Variants in PALD1 observed in about 807,000 individuals in gnomAD.
The protein encoded by PALD1 is paladin.
A neutral mutation model predicts 96.0 loss-of-function variants in PALD1; 57 were observed. The observed-to-expected ratio is 0.59, with a 90% CI of 0.48 to 0.74. The LOEUF (loss-of-function observed/expected upper bound fraction) is 0.74, where lower values mean the gene tolerates loss of function less well. Ranked by LOEUF, PALD1 falls within the 30% of genes least tolerant of loss-of-function variation. The probability of loss-of-function intolerance (pLI) is 0.00; values close to 1 mark genes in which losing one functional copy is unlikely to be tolerated. For synonymous variants in PALD1, 464 were observed against 473.6 expected (o/e 0.98, Z 0.26); for missense variants, 1,063 against 1,143.7 (o/e 0.93, Z 1.02).
At chr10:70,563,001 G>A (rs1847772762) in intron 18 of PALD1, among the ~76,000 whole-genome samples, 1 of 152,140 alleles carries the variant, frequency 6.6e-6, no homozygotes. Context: ...AACCCTCAGT[G>A]GCTCCCCAGT....
chr10:70,516,064 G>A (rs373067713), intron 1 of PALD1, among the ~76,000 whole-genome samples: 2 of 152,218 alleles, frequency 1.3e-5, no homozygotes, highest in Admixed American at 1.3e-4. Flanking sequence ...TGTCCTCAGG[G>A]TCACAGAGGA....
chr10:70,473,234 G>A, the PALD1 span, among the ~76,000 whole-genome samples: 1 of 152,136 alleles, frequency 6.6e-6, no homozygotes, highest in East Asian at 1.9e-4. Context: ...GCCCCACCCC[G>A]ACTCTGCAGG....
At chr10:70,524,274 C>T (rs574573231) in intron 1 of PALD1, among the ~76,000 whole-genome samples, 1 of 152,286 alleles carries the variant, frequency 6.6e-6, no homozygotes, top group Admixed American at 6.5e-5. Flanking sequence ...CCTGGACCAT[C>T]AGTATGTGGG....
At chr10:70,507,077 TTCTATTAAAAAAATTA>T (rs1440990040) in intron 1 of PALD1, among the ~76,000 whole-genome samples, 1 of 152,016 alleles carries the variant, frequency 6.6e-6, no homozygotes, top group African/African-American at 2.4e-5. Context: ...AAAATTATCT[TTCTATTAAAAAAATTA>T]TCTTTCTATT....
intron 1 of PALD1, 73 bp from the exon 2 acceptor site, chr10:70,525,850 C>T (rs926982078): frequency 1.0e-5 from 12 of 1,186,302 alleles, no homozygotes; most frequent in Middle Eastern, 2.8e-4. Context: ...TGGTGGAGGG[C>T]GAGAGGTGGG....
intron 1 of PALD1, among the ~76,000 whole-genome samples, chr10:70,509,041 C>G (rs1057171359): frequency 6.6e-6 from 1 of 152,204 alleles, no homozygotes; most frequent in Non-Finnish European, 1.5e-5. Flanking sequence ...GCTGGCCACT[C>G]GGCCCTCTGC....
chr10:70,462,717 C>T, the PALD1 span, among the ~76,000 whole-genome samples: 2 of 152,240 alleles, frequency 1.3e-5, no homozygotes, highest in Non-Finnish European at 2.9e-5. Context: ...GCCTCCTGTG[C>T]CCAGTGCCAT....
chr10:70,546,051 A>C (rs1002214230), intron 17 of PALD1, among the ~76,000 whole-genome samples: 17 of 146,228 alleles, frequency 1.2e-4, no homozygotes, highest in African/African-American at 3.7e-4. Flanking sequence ...AGCCTGGCCA[A>C]CATGGTGAAA....
At chr10:70,561,049 G>T (rs889584094) in intron 18 of PALD1, among the ~76,000 whole-genome samples, 2 of 152,166 alleles carry the variant, frequency 1.3e-5, no homozygotes, top group African/African-American at 2.4e-5. Context: ...TGGGGGCGGG[G>T]GTCAGGCGTC....
chr10:70,531,422 G>C lies in PALD1; in HGVS notation c.601G>C (p.Val201Leu). ...NLQGLGPGVR[V>L]ESLELAIRKE... ...CCAGGGCCTTGGACCCGGGGTCCGGGTGGAGAGCCTGGAGCTGGCCATCCG... is the reference window on the plus strand; with the variant it reads ...CCAGGGCCTTGGACCCGGGGTCCGGCTGGAGAGCCTGGAGCTGGCCATCCG... Residue 201 changes from valine (V) to leucine (L), a missense_variant, in exon 5 of 20, where the codon GTG becomes CTG. Coordinates refer to ENST00000263563, the MANE Select transcript of PALD1 (RefSeq NM_014431.3). 3 of 1,614,062 alleles carry C rather than the reference G, an allele frequency of 1.9e-6. No individual in the cohort carries two copies. The highest frequency in any genetic ancestry group is 2.5e-6 in the Non-Finnish European group (3 of 1,179,962).
chr10:70,558,486 T>C (rs888455362), intron 18 of PALD1, among the ~76,000 whole-genome samples: 10 of 152,142 alleles, frequency 6.6e-5, no homozygotes, highest in African/African-American at 2.4e-4. Flanking sequence ...GTGCTGGAGA[T>C]GCCATACAAA....
chr10:70,505,829 T>A (rs1262217464), intron 1 of PALD1, among the ~76,000 whole-genome samples: 1 of 151,514 alleles, frequency 6.6e-6, no homozygotes, highest in African/African-American at 2.4e-5. Context: ...GAGACCATCC[T>A]GGACAACATG....
At position 70,479,192 on chromosome 10, in the gene PALD1, C is replaced by G. The variant is rs1159564998; in HGVS notation, c.-30+133C>G. On this transcript the variant is annotated intron_variant, in intron 1 of 19. Coordinates refer to ENST00000263563, the MANE Select transcript of PALD1 (RefSeq NM_014431.3). ...AGAGGTGAGGTCCTGGGCCTTCACCCCACACCCGCTCAGGATTGGTCCCTG... is the reference window on the plus strand; with the variant it reads ...AGAGGTGAGGTCCTGGGCCTTCACCGCACACCCGCTCAGGATTGGTCCCTG... 8 of 152,478 alleles carry G rather than the reference C, an allele frequency of 5.2e-5. 1 individual carries two copies. The South Asian group carries it at 1.2e-3, about 24-fold the overall frequency. 9.4% of individuals were successfully genotyped at this position (152,478 alleles called of 1,614,324 possible). A position where few individuals can be genotyped will look rare whatever the true frequency, so the allele number is the denominator to read the frequency against.
At position 70,558,516 on chromosome 10, in the gene PALD1, C is replaced by G. The variant is rs114767713; in HGVS notation, c.2263-5848C>G. 5.7e-3 allele frequency among the ~76,000 whole-genome samples: 872 copies of G among 152,262 alleles called. 10 individuals carry two copies. Among genetic ancestry groups the G allele is most frequent in the African/African-American group, 0.019 (780 of 41,544 alleles). On this transcript the variant is annotated intron_variant, in intron 18 of 19. Transcript: ENST00000263563. ...TACAAAGGGCAAAAGCTCCCGTCCT[C>G]ATGGAGTCTGCACTCTAGTGACGGA...
At chr10:70,464,813 A>G in the PALD1 span, among the ~76,000 whole-genome samples, 1 of 150,474 alleles carries the variant, frequency 6.6e-6, no homozygotes, top group South Asian at 2.1e-4. Flanking sequence ...ATTTTAGTAG[A>G]GATGGGGTTT....
At chr10:70,526,269 C>A in intron 2 of PALD1, 133 bp downstream of exon 2, 1 of 695,474 alleles carries the variant, frequency 1.4e-6, no homozygotes, top group Non-Finnish European at 2.5e-6. Context: ...GACACTGAGG[C>A]CCAGGGAGAT....
At position 70,534,014 on chromosome 10, in the gene PALD1, G is replaced by A. The variant is rs767122052; in HGVS notation, c.963G>A (p.Leu321=). 1.2e-6 allele frequency: 2 copies of A among 1,613,168 alleles called. No homozygotes were observed. The highest frequency in any genetic ancestry group is 1.7e-5 in the Admixed American group (1 of 59,948). ...AGATGGGCGTGGGCAGGACCAACCT[G>A]GGCATGGTCCTGGGCACCCTCATCC... The part of the protein sequence containing the change: ...SCQMGVGRTN[L]GMVLGTLILL... The change falls in exon 8 of 20, where the codon CTG becomes CTA. Residue 321 remains leucine, a synonymous_variant. Transcript: ENST00000263563.
Position 70,567,054 on chromosome 10 carries a change from C to G in PALD1, c.*321C>G. The G allele has an allele frequency of 1.0e-5, 3 of 287,220 alleles. No homozygotes were observed. The highest frequency in any genetic ancestry group is 1.9e-5 in the Non-Finnish European group (3 of 155,302). 17.8% of individuals were successfully genotyped at this position (287,220 alleles called of 1,614,324 possible). A position where few individuals can be genotyped will look rare whatever the true frequency, so the allele number is the denominator to read the frequency against. ...TTCAGCCTCCAAGGGGCTCACTCCC[C>G]CAGTTGCCAAACACTGTGGATCTCT... On this transcript the variant is annotated 3_prime_UTR_variant, in exon 20 of 20. Coordinates refer to ENST00000263563, the MANE Select transcript of PALD1 (RefSeq NM_014431.3).
chr10:70,517,968 A>G (rs188005317), intron 1 of PALD1, among the ~76,000 whole-genome samples: 74 of 151,938 alleles, frequency 4.9e-4, no homozygotes, highest in African/African-American at 1.7e-3. Context: ...CAATGGCGCA[A>G]TCTCGGCTTA....
Sources: allele counts gnomAD v4.1 joint callset (sites outside exome capture counted in the v4.1 genomes callset), GRCh38; gene constraint gnomAD v4.1.1; transcripts MANE v1.5; gene names NCBI Gene and HGNC (gene_info 2026-07-23, HGNC 2026-07-21).